Variants in DTNBP1 observed in about 807,000 individuals in gnomAD.
The protein encoded by DTNBP1 is dystrobrevin binding protein 1, also known as dysbindin.
Under a neutral mutation model 42.8 loss-of-function variants are expected in DTNBP1, and 35 were observed. That is an observed-to-expected ratio of 0.82 (90% CI 0.63 to 1.09). The LOEUF is 1.09. Among genes scored for constraint, DTNBP1 ranks in the 50% least tolerant of loss-of-function variants. DTNBP1 has a pLI of 0.00. For missense variants in DTNBP1, 457 were observed against 424.2 expected (o/e 1.08, Z -0.68); for synonymous variants, 171 against 162.2 (o/e 1.05, Z -0.41).
intron 7 of DTNBP1, among the ~76,000 whole-genome samples, chr6:15,538,555 A>C (rs1321621417): frequency 6.6e-6 from 1 of 152,190 alleles, no homozygotes; most frequent in African/African-American, 2.4e-5. Context: ...GGAAGCTGAT[A>C]AATTTGTTTC....
At chr6:15,539,792 T>C (rs935088771) in intron 7 of DTNBP1, among the ~76,000 whole-genome samples, 12 of 152,208 alleles carry the variant, frequency 7.9e-5, no homozygotes, top group African/African-American at 1.2e-4. Context: ...TGTCCCTCGC[T>C]CCTGCTTCTT....
intron 8 of DTNBP1, among the ~76,000 whole-genome samples, chr6:15,530,816 A>G (rs866114880): frequency 2.0e-5 from 3 of 152,294 alleles, no homozygotes; most frequent in Non-Finnish European, 2.9e-5. Flanking sequence ...ATGACTGTCC[A>G]TCATCACTGC....
At chr6:15,609,220 C>A (rs970405151) in intron 6 of DTNBP1, among the ~76,000 whole-genome samples, 3 of 151,050 alleles carry the variant, frequency 2.0e-5, no homozygotes, top group African/African-American at 7.3e-5. Context: ...CTTCTAAAAG[C>A]TCTCTCTTGT....
intron 1 of DTNBP1, among the ~76,000 whole-genome samples, chr6:15,662,228 G>A (rs1274738688): frequency 6.6e-6 from 1 of 152,270 alleles, no homozygotes; most frequent in Non-Finnish European, 1.5e-5. Flanking sequence ...GAGGCGCTGA[G>A]CTCACGGCAA....
intron 7 of DTNBP1, among the ~76,000 whole-genome samples, chr6:15,588,252 T>C (rs138703065): frequency 6.6e-6 from 1 of 152,342 alleles, no homozygotes; most frequent in South Asian, 2.1e-4. Context: ...TCAAATCTAA[T>C]AGTTTCCCAA....
intron 6 of DTNBP1, among the ~76,000 whole-genome samples, chr6:15,594,791 T>C (rs1012193058): frequency 6.6e-6 from 1 of 152,156 alleles, no homozygotes; most frequent in African/African-American, 2.4e-5. Context: ...TTACAATGTT[T>C]AGAGAGCTTC....
At position 15,637,774 on chromosome 6, in the gene DTNBP1, T is replaced by C. The variant is rs898727394; in HGVS notation, c.192A>G (p.Arg64=). ...CAGCACTTGCACAGTCTTTGGCTCT[T>C]CTGTGAAGTGCAGCCCATGTATCCT... ...RYEDTWAALH[R]RAKDCASAGE... Residue 64 remains arginine, a synonymous_variant, in exon 4 of 10, where the codon AGA becomes AGG. Coordinates refer to ENST00000344537, the MANE Select transcript of DTNBP1 (RefSeq NM_032122.5). The C allele has an allele frequency of 6.2e-7, 1 of 1,613,816 alleles. No homozygotes were observed. Among genetic ancestry groups the C allele is most frequent in the Admixed American group, 1.7e-5 (1 of 60,034 alleles).
chr6:15,556,043 T>C (rs1419648440), intron 7 of DTNBP1, among the ~76,000 whole-genome samples: 11 of 152,118 alleles, frequency 7.2e-5, no homozygotes, highest in Admixed American at 5.9e-4. Flanking sequence ...AAGAACAGAA[T>C]TGGGTTAGAG....
At chr6:15,605,453 A>G (rs2113668582) in intron 6 of DTNBP1, among the ~76,000 whole-genome samples, 1 of 152,312 alleles carries the variant, frequency 6.6e-6, no homozygotes, top group Non-Finnish European at 1.5e-5. Context: ...TCTTCTCAGA[A>G]GAGCCTGTCC....
chr6:15,564,610 G>T (rs1774988586), intron 7 of DTNBP1, among the ~76,000 whole-genome samples: 1 of 152,084 alleles, frequency 6.6e-6, no homozygotes. Context: ...GTTTTACCAT[G>T]TTGGCCAGGC....
At chr6:15,597,628 T>C (rs1732583359) in intron 6 of DTNBP1, among the ~76,000 whole-genome samples, 1 of 152,220 alleles carries the variant, frequency 6.6e-6, no homozygotes, top group Non-Finnish European at 1.5e-5. Flanking sequence ...TCTATCAATA[T>C]TATACATTTC....
chr6:15,613,513 C>T (rs961408856), intron 6 of DTNBP1, among the ~76,000 whole-genome samples: 5 of 151,460 alleles, frequency 3.3e-5, no homozygotes, highest in Non-Finnish European at 2.9e-5. Context: ...ACTACAGGCG[C>T]CCGCCACCAC....
At chr6:15,523,354 A>G (rs999531411) in intron 9 of DTNBP1, 135 bp from the exon 10 acceptor site, 1 of 1,347,174 alleles carries the variant, frequency 7.4e-7, no homozygotes, top group Middle Eastern at 2.5e-4. Flanking sequence ...GGCCTGCAGA[A>G]CTTGGGAACT....
intron 5 of DTNBP1, among the ~76,000 whole-genome samples, chr6:15,618,815 G>A (rs1758869383): frequency 6.6e-6 from 1 of 152,122 alleles, no homozygotes; most frequent in Non-Finnish European, 1.5e-5. Flanking sequence ...GCCGAGATAT[G>A]AATTCAACCT....
chr6:15,643,588 CT>C (rs1760501909), intron 3 of DTNBP1, among the ~76,000 whole-genome samples: 1 of 152,098 alleles, frequency 6.6e-6, no homozygotes, highest in African/African-American at 2.4e-5. Context: ...TAACAGTGGA[CT>C]TCTCAGCCGA....
At chr6:15,571,656 C>T (rs1185065406) in intron 7 of DTNBP1, among the ~76,000 whole-genome samples, 1 of 152,212 alleles carries the variant, frequency 6.6e-6, no homozygotes, top group Non-Finnish European at 1.5e-5. Flanking sequence ...CAGGCCTCCA[C>T]TGGAACCCAG....
chr6:15,541,953 A>T (rs1773588032), intron 7 of DTNBP1, among the ~76,000 whole-genome samples: 1 of 152,190 alleles, frequency 6.6e-6, no homozygotes, highest in Non-Finnish European at 1.5e-5. Context: ...AAACTAGGAT[A>T]AGCCTCTCTC....
chr6:15,648,599 C>G (rs1044420864), intron 3 of DTNBP1, among the ~76,000 whole-genome samples: 2 of 151,514 alleles, frequency 1.3e-5, no homozygotes, highest in Non-Finnish European at 2.9e-5. Context: ...CTATATACTA[C>G]CAATAAATAA....
chr6:15,602,852 A>G (rs1776782832), intron 6 of DTNBP1, among the ~76,000 whole-genome samples: 2 of 152,224 alleles, frequency 1.3e-5, no homozygotes, highest in African/African-American at 4.8e-5. Context: ...CTTGAACCCC[A>G]GCGTGTCATT....
Sources: allele counts gnomAD v4.1 joint callset (sites outside exome capture counted in the v4.1 genomes callset), GRCh38; gene constraint gnomAD v4.1.1; transcripts MANE v1.5; gene names NCBI Gene and HGNC (gene_info 2026-07-23, HGNC 2026-07-21).